MMD2: variants seen among roughly 807,000 people sequenced by gnomAD.
The protein encoded by MMD2 is monocyte to macrophage differentiation associated 2, also known as monocyte to macrophage differentiation factor 2.
A neutral mutation model predicts 33.5 loss-of-function variants in MMD2; 30 were observed. The observed-to-expected ratio is 0.90, with a 90% CI of 0.67 to 1.22. MMD2 has a LOEUF of 1.22. MMD2 is among the 50% of genes most tolerant of loss of function. The pLI is 0.00. For missense variants in MMD2, 364 were observed against 325.4 expected (o/e 1.12, Z -0.91); for synonymous variants, 129 against 123.0 (o/e 1.05, Z -0.32).
intron 1 of MMD2, 95 bp downstream of exon 1, chr7:4,958,876 G>A (rs1166960516): frequency 1.2e-5 from 13 of 1,107,724 alleles, no homozygotes; most frequent in South Asian, 3.6e-5. Flanking sequence ...CTAGCGCTCC[G>A]GGCGGCGGGG....
At chr7:4,915,139 CT>C (rs1199820718) in intron 4 of MMD2, among the ~76,000 whole-genome samples, 1 of 151,798 alleles carries the variant, frequency 6.6e-6, no homozygotes, top group African/African-American at 2.4e-5. Flanking sequence ...AGCATGGTGG[CT>C]TGCACCTGCA....
chr7:4,958,936 C>G, intron 1 of MMD2, 35 bp downstream of exon 1: 2 of 1,291,532 alleles, frequency 1.5e-6, no homozygotes, highest in Non-Finnish European at 2.0e-6. Context: ...GCGCCCCTCC[C>G]TCCCTCCCCG....
intron 1 of MMD2, among the ~76,000 whole-genome samples, chr7:4,926,793 G>A (rs1427371968): frequency 2.6e-5 from 4 of 151,738 alleles, no homozygotes; most frequent in Non-Finnish European, 5.9e-5. Flanking sequence ...CGCCCAGGCT[G>A]GAGTGCAGTG....
intron 2 of MMD2, among the ~76,000 whole-genome samples, chr7:4,921,620 C>CA (rs1209184282): frequency 0.044 from 2,984 of 67,180 alleles, 124 homozygotes; most frequent in African/African-American, 0.12. Flanking sequence ...GACTCTGTCT[C>CA]AAAAAAAAAA....
At chr7:4,938,600 G>C (rs1471169694) in intron 1 of MMD2, among the ~76,000 whole-genome samples, 1 of 152,110 alleles carries the variant, frequency 6.6e-6, no homozygotes, top group Non-Finnish European at 1.5e-5. Flanking sequence ...CGGGGATCAA[G>C]TTTCAGAATA....
At chr7:4,912,714 T>C (rs955248536) in intron 4 of MMD2, among the ~76,000 whole-genome samples, 1 of 152,102 alleles carries the variant, frequency 6.6e-6, no homozygotes, top group African/African-American at 2.4e-5. Flanking sequence ...TCTTTTTTTG[T>C]TTGTTTTTTG....
chr7:4,941,372 G>A (rs1407332608), intron 1 of MMD2, among the ~76,000 whole-genome samples: 10 of 152,210 alleles, frequency 6.6e-5, no homozygotes, highest in South Asian at 2.1e-4. Context: ...GCTCGCGCCT[G>A]TAATCCCAGC....
chr7:4,894,408 C>A, the MMD2 span, among the ~76,000 whole-genome samples: 2 of 152,146 alleles, frequency 1.3e-5, no homozygotes, highest in Admixed American at 6.6e-5. This position sits in a 1 kb window ranked among gnomAD's most constrained non-coding sequence, Gnocchi z 4.3. Context: ...GACTACCCCT[C>A]GCAGGAGTAG....
rs759603435 is a variant in MMD2 at position 4,959,051 on chromosome 7, C to T, written c.-34G>A. ...TTCCATGGGAATCTGGCCCCGGGCTCAGAGCGCGGGTAGCTGGCAGAGCCT... is the reference window on the plus strand; with the variant it reads ...TTCCATGGGAATCTGGCCCCGGGCTTAGAGCGCGGGTAGCTGGCAGAGCCT... On this transcript the variant is annotated 5_prime_UTR_variant, in exon 1 of 7. Coordinates refer to ENST00000401401, the MANE Select transcript of MMD2 (RefSeq NM_198403.4). 30 of 1,250,872 alleles carry T rather than the reference C, an allele frequency of 2.4e-5. No individual in the cohort carries two copies. Among genetic ancestry groups the T allele is most frequent in the Admixed American group, 4.2e-5 (1 of 23,650 alleles). 77.5% of individuals were successfully genotyped at this position (1,250,872 alleles called of 1,614,324 possible). A position where few individuals can be genotyped will look rare whatever the true frequency, so the allele number is the denominator to read the frequency against.
chr7:4,922,737 G>A (rs1371039178), intron 2 of MMD2, among the ~76,000 whole-genome samples: 1 of 151,936 alleles, frequency 6.6e-6, no homozygotes, highest in African/African-American at 2.4e-5. Context: ...ACTGCGCCTG[G>A]CTCCTAGTTT....
chr7:4,944,413 C>T (rs775329997), intron 1 of MMD2, among the ~76,000 whole-genome samples: 2 of 152,152 alleles, frequency 1.3e-5, no homozygotes, highest in African/African-American at 2.4e-5. Flanking sequence ...GGTGAGCCCA[C>T]CCTCCTGCTG....
the MMD2 span, among the ~76,000 whole-genome samples, chr7:4,892,770 C>A: frequency 3.6e-4 from 55 of 151,768 alleles, no homozygotes; most frequent in Non-Finnish European, 4.4e-4. Context: ...GGCTGGAGTG[C>A]AGTGGTGTGA....
intron 1 of MMD2, among the ~76,000 whole-genome samples, chr7:4,932,694 C>T (rs1785624176): frequency 6.6e-6 from 1 of 151,436 alleles, no homozygotes; most frequent in Non-Finnish European, 1.5e-5. Context: ...ATGATCTCAG[C>T]TCACTGCAGC....
intron 5 of MMD2, 29 bp from the exon 6 acceptor site, chr7:4,909,979 T>A: frequency 6.2e-7 from 1 of 1,613,894 alleles, no homozygotes; most frequent in Non-Finnish European, 8.5e-7. Context: ...GTGCCGGCCT[T>A]AGGACATGCC....
At chr7:4,910,200 G>A (rs1459495804) in intron 5 of MMD2, among the ~76,000 whole-genome samples, 2 of 152,186 alleles carry the variant, frequency 1.3e-5, no homozygotes, top group Non-Finnish European at 2.9e-5. Context: ...GCATGCTGGT[G>A]CCAGAGCAGG....
intron 1 of MMD2, among the ~76,000 whole-genome samples, chr7:4,929,532 C>CT (rs888039528): frequency 1.1e-4 from 16 of 148,482 alleles, no homozygotes; most frequent in South Asian, 2.1e-4. Flanking sequence ...GATGGAGTCT[C>CT]TTTTTTTTTT....
intron 1 of MMD2, among the ~76,000 whole-genome samples, chr7:4,939,505 T>G (rs1785842781): frequency 6.6e-6 from 1 of 152,124 alleles, no homozygotes; most frequent in African/African-American, 2.4e-5. Flanking sequence ...ATCATGTCAC[T>G]GCACTCCAGC....
intron 1 of MMD2, among the ~76,000 whole-genome samples, chr7:4,939,095 G>C (rs1204063860): frequency 6.6e-6 from 1 of 152,114 alleles, no homozygotes; most frequent in East Asian, 1.9e-4. Flanking sequence ...CCAGCCACTC[G>C]GGAGACTGAG....
At chr7:4,892,527 G>A in the MMD2 span, among the ~76,000 whole-genome samples, 1 of 151,528 alleles carries the variant, frequency 6.6e-6, no homozygotes. Context: ...GACAGAGGAT[G>A]CAGTGAGCCG....
Sources: allele counts gnomAD v4.1 joint callset (sites outside exome capture counted in the v4.1 genomes callset), GRCh38; gene constraint gnomAD v4.1.1; non-coding constraint Gnocchi (gnomAD v3.1); transcripts MANE v1.5; gene names NCBI Gene and HGNC (gene_info 2026-07-23, HGNC 2026-07-21).